TRPC5: variants seen among roughly 807,000 people sequenced by gnomAD.
TRPC5 encodes transient receptor potential cation channel subfamily C member 5, also known as short transient receptor potential channel 5.
A neutral mutation model predicts 56.5 loss-of-function variants in TRPC5; 9 were observed. The observed-to-expected ratio is 0.16, with a 90% CI of 0.10 to 0.28. TRPC5 has a LOEUF of 0.28. TRPC5 is among the 10% of genes least tolerant of loss of function. TRPC5 has a pLI of 1.00. For synonymous variants in TRPC5, 282 were observed against 278.5 expected (o/e 1.01, Z -0.13); for missense variants, 469 against 748.9 (o/e 0.63, Z 4.36).
chrX:111,807,748 T>C (rs1237833057), intron 7 of TRPC5, among the ~76,000 whole-genome samples: 1 of 112,301 alleles, frequency 8.9e-6, no homozygotes, highest in Admixed American at 9.4e-5. Flanking sequence ...GATTTAGGTG[T>C]TGTGATCTAA....
chrX:111,781,258 A>G (rs1945917655), intron 8 of TRPC5, 52 bp from the exon 9 acceptor site: 2 of 1,034,547 alleles, frequency 1.9e-6, no homozygotes, highest in Non-Finnish European at 2.7e-6. Context: ...CCAGCACCCT[A>G]CCCACCCAAA....
At chrX:111,915,044 C>T (rs1925932556) in intron 2 of TRPC5, among the ~76,000 whole-genome samples, 1 of 96,048 alleles carries the variant, frequency 1.0e-5, no homozygotes, top group African/African-American at 5.1e-5. Context: ...CATGCTATTC[C>T]TCTTTCCTCG....
At chrX:112,018,604 A>G (rs1476730212) in intron 1 of TRPC5, among the ~76,000 whole-genome samples, 4 of 112,824 alleles carry the variant, frequency 3.5e-5, no homozygotes, top group African/African-American at 1.3e-4. Flanking sequence ...GGAAGCCAAG[A>G]GAAGCCAGGC....
At chrX:111,858,446 C>G (rs989495446) in intron 3 of TRPC5, among the ~76,000 whole-genome samples, 1 of 108,847 alleles carries the variant, frequency 9.2e-6, no homozygotes, top group Non-Finnish European at 1.9e-5. Context: ...CGACAGTCAA[C>G]AGGTTTACTT....
chrX:111,821,491 C>T (rs1922028952), intron 7 of TRPC5, among the ~76,000 whole-genome samples: 1 of 111,485 alleles, frequency 9.0e-6, no homozygotes, highest in African/African-American at 3.3e-5. Context: ...CTTTGATGCT[C>T]CACTGGGTAT....
intron 3 of TRPC5, among the ~76,000 whole-genome samples, chrX:111,895,194 G>A (rs1260588004): frequency 9.0e-6 from 1 of 111,163 alleles, no homozygotes. Flanking sequence ...TTCAGTGCTT[G>A]GTATTGTCAG....
At chrX:111,915,929 G>C in intron 2 of TRPC5, among the ~76,000 whole-genome samples, 1 of 109,157 alleles carries the variant, frequency 9.2e-6, no homozygotes, top group Middle Eastern at 4.7e-3. Flanking sequence ...AACATAGTGA[G>C]ACTCTGTCTC....
Position 111,770,297 on chromosome X carries a change from C to T in TRPC5, c.*6016G>A, listed in dbSNP as rs3027761. 0.079 allele frequency among the ~76,000 whole-genome samples: 8,769 copies of T among 111,079 alleles called. 878 individuals are homozygous for T. The highest frequency in any genetic ancestry group is 0.27 in the African/African-American group (8,196 of 30,373). On this transcript the variant is annotated 3_prime_UTR_variant, in exon 11 of 11. Transcript: ENST00000262839. ...AGTGTACATATTTATGAAAGCCCATCTGTGATATTGCATTATGGGTGTGGT... is the reference window on the plus strand; with the variant it reads ...AGTGTACATATTTATGAAAGCCCATTTGTGATATTGCATTATGGGTGTGGT...
chrX:111,921,032 G>C (rs951869429), intron 2 of TRPC5, among the ~76,000 whole-genome samples: 4 of 111,748 alleles, frequency 3.6e-5, no homozygotes, highest in Non-Finnish European at 5.6e-5. Flanking sequence ...TTCTTATTGG[G>C]TGGAATATAA....
intron 2 of TRPC5, among the ~76,000 whole-genome samples, chrX:111,921,949 T>G (rs1161143502): frequency 8.9e-6 from 1 of 112,202 alleles, no homozygotes; most frequent in East Asian, 2.8e-4. Flanking sequence ...GCTCATCACA[T>G]AAAACACTTG....
rs1208617968 is a variant in TRPC5 at position 112,081,527 on chromosome X, C to G, written c.-22+352G>C. Among the ~76,000 whole-genome samples, 3 of 111,308 alleles carry G rather than the reference C, an allele frequency of 2.7e-5. No individual in the cohort carries two copies. In the East Asian group the frequency reaches 8.5e-4, roughly 32 times the overall value. On this transcript the variant is annotated intron_variant, in intron 1 of 10. Coordinates refer to ENST00000262839, the MANE Select transcript of TRPC5 (RefSeq NM_012471.3). ...AATCGATTTTAAGGAGGCCTGGGAG[C>G]AGGTTCCCCACGGATCTTAAAATCT...
chrX:111,972,022 C>T lies in TRPC5; in HGVS notation c.-21-19581G>A, dbSNP rs186690026. ...GCTATCTATTCTCCCAGATACCCAT[C>T]GCATCTACCTTCCTCTATGGATTAA... On this transcript the variant is annotated intron_variant, in intron 1 of 10. Coordinates refer to ENST00000262839, the MANE Select transcript of TRPC5 (RefSeq NM_012471.3). Among the ~76,000 whole-genome samples, 39 of 111,743 alleles carry T rather than the reference C, an allele frequency of 3.5e-4. No individual in the cohort carries two copies. In the East Asian group the frequency reaches 8.5e-3, roughly 24 times the overall value.
At chrX:111,855,828 GA>G (rs1209663428) in intron 3 of TRPC5, among the ~76,000 whole-genome samples, 2 of 112,192 alleles carry the variant, frequency 1.8e-5, no homozygotes, top group Non-Finnish European at 3.8e-5. Context: ...TGCAGTAGAA[GA>G]ACTGCTGGGA....
At chrX:111,965,638 T>C (rs1432847507) in intron 1 of TRPC5, among the ~76,000 whole-genome samples, 2 of 111,988 alleles carry the variant, frequency 1.8e-5, no homozygotes, top group African/African-American at 6.5e-5. Flanking sequence ...CAGACTACAG[T>C]GCAATCAAAC....
intron 2 of TRPC5, among the ~76,000 whole-genome samples, chrX:111,941,352 C>T (rs1316358260): frequency 1.8e-5 from 2 of 111,232 alleles, no homozygotes; most frequent in East Asian, 2.8e-4. Flanking sequence ...TTGATTTGGT[C>T]GGGTGCTTTG....
At chrX:111,905,412 C>T (rs1413940384) in intron 3 of TRPC5, among the ~76,000 whole-genome samples, 2 of 111,804 alleles carry the variant, frequency 1.8e-5, no homozygotes, top group African/African-American at 3.3e-5. Context: ...GAAAAAATGA[C>T]TTCTAGTTCC....
chrX:111,975,274 T>C (rs1487029808), intron 1 of TRPC5, among the ~76,000 whole-genome samples: 1 of 108,144 alleles, frequency 9.2e-6, no homozygotes, highest in Admixed American at 9.9e-5. Flanking sequence ...AGTGACTGTA[T>C]ACAATAAAGA....
intron 3 of TRPC5, among the ~76,000 whole-genome samples, chrX:111,855,878 G>A (rs1425538484): frequency 2.7e-5 from 3 of 112,143 alleles, no homozygotes; most frequent in Non-Finnish European, 3.8e-5. Context: ...CAAAAGGAGA[G>A]TTATACAATT....
At chrX:112,030,088 G>A (rs1330710533) in intron 1 of TRPC5, among the ~76,000 whole-genome samples, 1 of 112,371 alleles carries the variant, frequency 8.9e-6, no homozygotes, top group Non-Finnish European at 1.9e-5. Context: ...GCCTCCCAAA[G>A]TGCTGGGATT....
Sources: gnomAD v4.1 joint callset for allele counts (sites outside exome capture counted in the v4.1 genomes callset) on GRCh38, gnomAD v4.1.1 for gene constraint, MANE v1.5 for transcripts, NCBI Gene and HGNC (gene_info 2026-07-23, HGNC 2026-07-21) for gene names.